Variants in RYR2 observed in about 807,000 individuals in gnomAD.
RYR2 encodes ryanodine receptor 2.
Under a neutral mutation model 601.1 loss-of-function variants are expected in RYR2, and 227 were observed. The observed-to-expected ratio is 0.38, with a 90% CI of 0.34 to 0.42. RYR2 has a LOEUF of 0.42. Among genes scored for constraint, RYR2 ranks in the 10% least tolerant of loss-of-function variants. The pLI is 1.00. For missense variants in RYR2, 4,646 were observed against 6,156.5 expected, an observed-to-expected ratio of 0.75 and a Z score of 8.21; for synonymous variants, 2,223 against 2,175.1, an observed-to-expected ratio of 1.02 and a Z score of -0.61.
At position 237,621,702 on chromosome 1, in the gene RYR2, G is replaced by A. The variant is rs1051581883; in HGVS notation, c.5917-2063G>A. 3.3e-5 allele frequency among the ~76,000 whole-genome samples: 5 copies of A among 151,910 alleles called. No homozygotes were observed. In the East Asian group the frequency reaches 5.8e-4, roughly 18 times the overall value. ...TCTTTCTACAATGTATACATATATC[G>A]AAACATCACATGGTACCTCATAAAT... On this transcript the variant is annotated intron_variant, in intron 38 of 104. Coordinates refer to ENST00000366574, the MANE Select transcript of RYR2 (RefSeq NM_001035.3).
chr1:237,637,443 T>A (rs919352347), intron 44 of RYR2, among the ~76,000 whole-genome samples: 1 of 152,202 alleles, frequency 6.6e-6, no homozygotes, highest in Non-Finnish European at 1.5e-5. Flanking sequence ...ATGTGCTAAT[T>A]TCATCAATAC....
At chr1:237,222,062 A>G (rs980470784) in intron 1 of RYR2, among the ~76,000 whole-genome samples, 8 of 152,126 alleles carry the variant, frequency 5.3e-5, no homozygotes, top group Non-Finnish European at 1.2e-4. Flanking sequence ...ACGTGTGCAC[A>G]TGTTTTTATC....
chr1:237,064,712 AG>A (rs1663314249), intron 1 of RYR2, among the ~76,000 whole-genome samples: 1 of 142,406 alleles, frequency 7.0e-6, no homozygotes. Context: ...GAATACCTGC[AG>A]TTTTTTGTTT....
chr1:237,186,507 A>G (rs1397422046), intron 1 of RYR2, among the ~76,000 whole-genome samples: 1 of 152,158 alleles, frequency 6.6e-6, no homozygotes, highest in East Asian at 1.9e-4. Flanking sequence ...TTTAACTTTT[A>G]TGGTATCAAT....
intron 1 of RYR2, among the ~76,000 whole-genome samples, chr1:237,179,228 T>C (rs1678423594): frequency 2.6e-5 from 4 of 152,176 alleles, no homozygotes; most frequent in Admixed American, 2.6e-4. Flanking sequence ...TTCAGAAATA[T>C]TTCAGATATG....
chr1:237,519,552 A>G (rs1362220077), intron 24 of RYR2, among the ~76,000 whole-genome samples: 1 of 152,100 alleles, frequency 6.6e-6, no homozygotes, highest in African/African-American at 2.4e-5. Context: ...TCTCCAATGT[A>G]TGCTCTTGTT....
chr1:237,678,875 T>G lies in RYR2; in HGVS notation c.8895+763T>G, dbSNP rs1448152505. The stretch of plus-strand genomic sequence containing the variant: ...TGAAGACCTAATTACTGCTGTCTGC[T>G]TCCTTTTAAAGTACTTGCATTCAGC... On this transcript the variant is annotated intron_variant, in intron 61 of 104. Coordinates refer to ENST00000366574, the MANE Select transcript of RYR2 (RefSeq NM_001035.3). Among the ~76,000 whole-genome samples the G allele has an allele frequency of 2.6e-5, 4 of 152,342 alleles. No individual in the cohort carries two copies. The East Asian group carries it at 7.7e-4, about 29-fold the overall frequency.
intron 1 of RYR2, among the ~76,000 whole-genome samples, chr1:237,175,271 CT>C (rs1677894642): frequency 6.6e-6 from 1 of 152,070 alleles, no homozygotes; most frequent in South Asian, 2.1e-4. Context: ...TTCTAGAATT[CT>C]TTTATGTGGT....
At chr1:237,387,407 C>T in intron 9 of RYR2, 27 bp downstream of exon 9, 1 of 1,590,512 alleles carries the variant, frequency 6.3e-7, no homozygotes, top group Non-Finnish European at 8.6e-7. Flanking sequence ...AATTAGAGGG[C>T]CTGTCCTTGC....
At chr1:237,776,748 G>A (rs189477830) in intron 87 of RYR2, among the ~76,000 whole-genome samples, 6 of 152,090 alleles carry the variant, frequency 3.9e-5, no homozygotes, top group African/African-American at 9.6e-5. Context: ...GGTCTCTTCC[G>A]GGGCACATGT....
intron 17 of RYR2, among the ~76,000 whole-genome samples, chr1:237,488,119 A>C (rs1177463180): frequency 6.6e-6 from 1 of 152,058 alleles, no homozygotes; most frequent in African/African-American, 2.4e-5. Context: ...ATGGGCCTTC[A>C]TGAGTGTTTA....
intron 101 of RYR2, among the ~76,000 whole-genome samples, chr1:237,822,537 C>T (rs1401705545): frequency 2.0e-5 from 3 of 152,262 alleles, no homozygotes; most frequent in South Asian, 2.1e-4. Flanking sequence ...AAGCATTAAA[C>T]ATGAAAAGGA....
chr1:237,503,518 A>C lies in RYR2; in HGVS notation c.2613+13A>C, dbSNP rs1241051830. The C allele has an allele frequency of 6.2e-7, 1 of 1,611,870 alleles. No individual in the cohort carries two copies. Among genetic ancestry groups the C allele is most frequent in the Non-Finnish European group, 8.5e-7 (1 of 1,178,218 alleles). Reference sequence around the variant, plus strand: ...GGATACCAGCCAGGTACCAAGATCCACTCGAATGGCAATCACTGGTATTGC... The same window carrying C: ...GGATACCAGCCAGGTACCAAGATCCCCTCGAATGGCAATCACTGGTATTGC... On this transcript the variant is annotated intron_variant, in intron 22 of 104. Transcript: ENST00000366574.
At chr1:237,377,683 A>T (rs531717092) in intron 8 of RYR2, among the ~76,000 whole-genome samples, 1 of 152,306 alleles carries the variant, frequency 6.6e-6, no homozygotes, top group South Asian at 2.1e-4. Flanking sequence ...CATGATATTG[A>T]TAGTACCTTT....
At chr1:237,370,085 G>A (rs1700518240) in intron 6 of RYR2, among the ~76,000 whole-genome samples, 1 of 151,694 alleles carries the variant, frequency 6.6e-6, no homozygotes, top group African/African-American at 2.4e-5. Context: ...TATTCACTAG[G>A]CTTCTCTTGG....
intron 2 of RYR2, among the ~76,000 whole-genome samples, chr1:237,293,154 A>C (rs143443253): frequency 2.0e-4 from 30 of 152,200 alleles, no homozygotes; most frequent in African/African-American, 5.8e-4. Context: ...ATAGCATCAG[A>C]TTCTTCAAGT....
chr1:237,169,033 T>C (rs1677036690), intron 1 of RYR2, among the ~76,000 whole-genome samples: 1 of 152,234 alleles, frequency 6.6e-6, no homozygotes, highest in East Asian at 1.9e-4. Context: ...CTTTAGATCT[T>C]CCATAATCAG....
rs1414022182 is a variant in RYR2, at chr1:237,610,924, G to A, written c.4846G>A (p.Gly1616Ser). 6.2e-7 allele frequency: 1 copy of A among 1,613,428 alleles called. No homozygotes were observed. Among genetic ancestry groups the A allele is most frequent in the Non-Finnish European group, 8.5e-7 (1 of 1,179,758 alleles). ...TGTGTCTCGAATAAGTGAACGCCAA[G>A]GCTGGTTGGTGCAGTGTTTGGATCC... ...VDVSRISERQ[G>S]WLVQCLDPLQ... Residue 1616 changes from glycine to serine, a missense_variant, in exon 36 of 105, where the codon GGC becomes AGC. This residue lies in a region of RYR2 where 1,807 missense variants were observed against 2,088.1 expected (regional missense o/e 0.87). Coordinates refer to ENST00000366574, the MANE Select transcript of RYR2 (RefSeq NM_001035.3). This position sits in a 1 kb window ranked among gnomAD's most constrained non-coding sequence, Gnocchi z 4.9.
chr1:237,626,596 T>C (rs998704303), intron 40 of RYR2, among the ~76,000 whole-genome samples: 29 of 130,086 alleles, frequency 2.2e-4, no homozygotes, highest in African/African-American at 8.3e-4. Context: ...TTTTTTTTTT[T>C]TTTTTTTTTT....
Sources: gnomAD v4.1 joint callset for allele counts (sites outside exome capture counted in the v4.1 genomes callset) on GRCh38, gnomAD v4.1.1 for gene constraint, gnomAD v4.1.1 regional missense constraint, Gnocchi (gnomAD v3.1) non-coding constraint, MANE v1.5 for transcripts, NCBI Gene and HGNC (gene_info 2026-07-23, HGNC 2026-07-21) for gene names.